CHL1: variants seen among roughly 807,000 people sequenced by gnomAD.
CHL1 encodes neural cell adhesion molecule L1-like protein.
CHL1 carries 96 observed loss-of-function variants against 141.9 expected under a neutral mutation model. The observed-to-expected ratio is 0.68, with a 90% confidence interval of 0.57 to 0.80. The LOEUF (loss-of-function observed/expected upper bound fraction) is 0.80. Among genes scored for constraint, CHL1 ranks in the 30% least tolerant of loss-of-function variants. The pLI, the probability that CHL1 is intolerant of heterozygous loss-of-function variation, is 0.00. For synonymous variants in CHL1, 613 were observed against 502.2 expected, an observed-to-expected ratio of 1.22 and a Z score of -2.95; for missense variants, 1,820 against 1,457.2, an observed-to-expected ratio of 1.25 and a Z score of -4.05.
chr3:361,628 A>T, intron 12 of CHL1, 71 bp from the exon 13 acceptor site: 1 of 1,010,540 alleles, frequency 9.9e-7, no homozygotes. Context: ...TGACTAGGAC[A>T]TAGAAAAATT....
intron 23 of CHL1, among the ~76,000 whole-genome samples, chr3:392,866 A>T (rs936885175): frequency 1.3e-5 from 2 of 152,232 alleles, no homozygotes; most frequent in African/African-American, 4.8e-5. Context: ...TAGCAGGATC[A>T]ATACTAAGTG....
chr3:403,100 T>C (rs1709273820), intron 27 of CHL1, among the ~76,000 whole-genome samples: 1 of 152,150 alleles, frequency 6.6e-6, no homozygotes, highest in Non-Finnish European at 1.5e-5. Context: ...CGTGTGGCTG[T>C]TGGCAGGATA....
intron 2 of CHL1, among the ~76,000 whole-genome samples, chr3:316,438 C>T (rs1194896399): frequency 2.0e-5 from 3 of 151,616 alleles, no homozygotes; most frequent in Non-Finnish European, 4.4e-5. Context: ...TTGCACCAAG[C>T]TAAATTTTTC....
At chr3:294,512 G>A (rs981073476) in intron 2 of CHL1, among the ~76,000 whole-genome samples, 5 of 152,064 alleles carry the variant, frequency 3.3e-5, no homozygotes, top group Non-Finnish European at 5.9e-5. Flanking sequence ...ACCACAAACA[G>A]GTTATACCAA....
intron 1 of CHL1, among the ~76,000 whole-genome samples, chr3:207,156 G>A (rs915068969): frequency 2.0e-5 from 3 of 152,142 alleles, no homozygotes; most frequent in Admixed American, 2.0e-4. Context: ...TTTTTGTTTG[G>A]GATATTTACA....
intron 9 of CHL1, 107 bp downstream of exon 9, chr3:344,816 C>G: frequency 2.5e-6 from 3 of 1,204,942 alleles, no homozygotes; most frequent in Non-Finnish European, 3.4e-6. Context: ...AAATTATTTC[C>G]TTAAAAAAAT....
chr3:249,805 A>G (rs557835248), intron 2 of CHL1, among the ~76,000 whole-genome samples: 2 of 152,102 alleles, frequency 1.3e-5, no homozygotes, highest in Non-Finnish European at 2.9e-5. Flanking sequence ...ATCAAGCCTT[A>G]TGTAATTTTT....
At chr3:389,924 A>G (rs1048859486) in intron 20 of CHL1, among the ~76,000 whole-genome samples, 2 of 152,180 alleles carry the variant, frequency 1.3e-5, no homozygotes, top group African/African-American at 4.8e-5. Flanking sequence ...TTATATGTAG[A>G]ATTATATGCA....
chr3:298,229 A>G (rs1698385389), intron 2 of CHL1, among the ~76,000 whole-genome samples: 1 of 152,214 alleles, frequency 6.6e-6, no homozygotes, highest in Non-Finnish European at 1.5e-5. Flanking sequence ...GGAACCTGAG[A>G]TAATACAATA....
intron 5 of CHL1, among the ~76,000 whole-genome samples, chr3:339,695 C>T (rs1168124135): frequency 6.6e-6 from 1 of 152,154 alleles, no homozygotes; most frequent in Non-Finnish European, 1.5e-5. Flanking sequence ...TCAGCAAATT[C>T]CCTCAACCTC....
At chr3:260,410 C>A (rs1574890352) in intron 2 of CHL1, among the ~76,000 whole-genome samples, 1 of 152,172 alleles carries the variant, frequency 6.6e-6, no homozygotes, top group Non-Finnish European at 1.5e-5. Context: ...TACTGGCCAA[C>A]TGGAGATCAC....
chr3:307,405 T>C (rs1251354246), intron 2 of CHL1, among the ~76,000 whole-genome samples: 1 of 152,204 alleles, frequency 6.6e-6, no homozygotes, highest in African/African-American at 2.4e-5. Context: ...CTTTGAGGCA[T>C]TGTGACAGAA....
At chr3:365,249 C>T (rs1704730590) in intron 14 of CHL1, among the ~76,000 whole-genome samples, 1 of 152,216 alleles carries the variant, frequency 6.6e-6, no homozygotes, top group South Asian at 2.1e-4. Flanking sequence ...CGTTTTGAAA[C>T]AATCATAATG....
chr3:272,760 A>C lies in CHL1; in HGVS notation c.-95+28068A>C, dbSNP rs536133259. 1.3e-4 allele frequency among the ~76,000 whole-genome samples: 20 copies of C among 152,328 alleles called. 1 individual carries two copies. The South Asian group carries it at 4.1e-3, about 32-fold the overall frequency. ...ATGATCATAAAGATGACTCCTTGGC[A>C]CTTGCTCCCAAATGGATTCATCCTT... On this transcript the variant is annotated intron_variant, in intron 2 of 27. Transcript: ENST00000256509.
intron 2 of CHL1, among the ~76,000 whole-genome samples, chr3:264,407 T>A (rs1168462278): frequency 6.6e-6 from 1 of 152,024 alleles, no homozygotes; most frequent in Non-Finnish European, 1.5e-5. Context: ...TATAACAGAA[T>A]GGTAGAATTA....
At chr3:349,600 G>A (rs1292069923) in intron 10 of CHL1, 57 bp downstream of exon 10, 4 of 1,406,644 alleles carry the variant, frequency 2.8e-6, no homozygotes, top group Non-Finnish European at 2.9e-6. Context: ...CTGTATACAT[G>A]TAGTAGGCCT....
chr3:203,525 A>T (rs1296990408), intron 1 of CHL1, among the ~76,000 whole-genome samples: 1 of 152,232 alleles, frequency 6.6e-6, no homozygotes, highest in Non-Finnish European at 1.5e-5. Flanking sequence ...AGGGACCTTA[A>T]AGACGGGCCC....
chr3:285,258 AC>A (rs1158082045), intron 2 of CHL1, among the ~76,000 whole-genome samples: 4 of 152,324 alleles, frequency 2.6e-5, no homozygotes, highest in Non-Finnish European at 4.4e-5. Flanking sequence ...ACAAAATACA[AC>A]CTTGTTTGAG....
At chr3:278,108 G>A (rs1275072424) in intron 2 of CHL1, among the ~76,000 whole-genome samples, 3 of 152,170 alleles carry the variant, frequency 2.0e-5, no homozygotes, top group African/African-American at 7.2e-5. Flanking sequence ...AGGAAATAAA[G>A]AGCCCTTCAA....
Sources: allele counts gnomAD v4.1 joint callset (sites outside exome capture counted in the v4.1 genomes callset), GRCh38; gene constraint gnomAD v4.1.1; transcripts MANE v1.5; gene names NCBI Gene and HGNC (gene_info 2026-07-23, HGNC 2026-07-21).